Variants in RGS5 observed in about 807,000 individuals in gnomAD.
RGS5 encodes regulator of G-protein signalling 5.
A neutral mutation model predicts 18.9 loss-of-function variants in RGS5; 20 were observed. The ratio of observed to expected loss-of-function variants is 1.06; its 90% CI spans 0.74 to 1.54. The LOEUF is 1.54. Among genes scored for constraint, RGS5 ranks in the 40% most tolerant of loss-of-function variants. The pLI is 0.00. For synonymous variants in RGS5, 57 were observed against 76.2 expected, an observed-to-expected ratio of 0.75 and a Z score of 1.31; for missense variants, 201 against 211.8, an observed-to-expected ratio of 0.95 and a Z score of 0.32.
chr1:163,195,248 A>G (rs968117547), intron 1 of RGS5, among the ~76,000 whole-genome samples: 4 of 152,208 alleles, frequency 2.6e-5, no homozygotes, highest in African/African-American at 7.2e-5. Flanking sequence ...CATGTTGTAT[A>G]TAAGAATGGA....
intron 3 of RGS5, among the ~76,000 whole-genome samples, chr1:163,157,562 G>A (rs1333148751): frequency 6.6e-6 from 1 of 152,170 alleles, no homozygotes; most frequent in Non-Finnish European, 1.5e-5. Context: ...AGATATGAAT[G>A]TAAGGAATTC....
chr1:163,177,868 G>A lies in RGS5; in HGVS notation c.45-9500C>T, dbSNP rs564004975. 2.1e-4 allele frequency among the ~76,000 whole-genome samples: 32 copies of A among 152,250 alleles called. 1 individual carries two copies. The South Asian group carries it at 6.6e-3, about 32-fold the overall frequency. ...TTCTTGCCTCTGAGGGAGTTGTGTT[G>A]TGACGTCAAAAGCAAATGATAATTG... On this transcript the variant is annotated intron_variant, in intron 1 of 4. Coordinates refer to ENST00000313961, the MANE Select transcript of RGS5 (RefSeq NM_003617.4).
Position 163,211,994 on chromosome 1 carries a change from A to T in RGS5, c.69+5532T>A, listed in dbSNP as rs2101671787. The T allele has an allele frequency of 3.3e-5, 5 of 152,348 alleles. 1 individual carries two copies. The South Asian group carries it at 1.0e-3, about 32-fold the overall frequency. 9.4% of individuals were successfully genotyped at this position (152,348 alleles called of 1,614,324 possible). ...TGTAGTACTGAAGGACATTTTAAAAACAAAGTCCTTTTTGATCTTTCTGAG... is the reference window on the plus strand; with the variant it reads ...TGTAGTACTGAAGGACATTTTAAAATCAAAGTCCTTTTTGATCTTTCTGAG... On this transcript the variant is annotated intron_variant, in intron 1 of 5. Transcript: ENST00000367903.
chr1:163,192,142 T>A (rs1308512581), intron 1 of RGS5, among the ~76,000 whole-genome samples: 1 of 152,170 alleles, frequency 6.6e-6, no homozygotes, highest in Non-Finnish European at 1.5e-5. Context: ...AGTAAAAATG[T>A]TTTCCCGTGT....
At chr1:163,221,804 T>C (rs984710003), upstream of RGS5, among the ~76,000 whole-genome samples, 1 of 152,202 alleles carries the variant, frequency 6.6e-6, no homozygotes, top group Non-Finnish European at 1.5e-5. Context: ...TCTAAGATCA[T>C]TTTGCATAGG....
chr1:163,251,167 G>A (rs912808436), intron 2 of RGS5, among the ~76,000 whole-genome samples: 1 of 151,856 alleles, frequency 6.6e-6, no homozygotes, highest in Non-Finnish European at 1.5e-5. Flanking sequence ...AGATGAACTC[G>A]ATCCTCTGTC....
chr1:163,232,515 T>C (rs766063469), intron 2 of RGS5, among the ~76,000 whole-genome samples: 69 of 152,182 alleles, frequency 4.5e-4, no homozygotes, highest in Non-Finnish European at 7.9e-4. Flanking sequence ...CTTCAGAGAC[T>C]AGGAAATCTC....
chr1:163,217,664 G>A (rs1464743025), upstream of RGS5: 1 of 1,492,968 alleles, frequency 6.7e-7, no homozygotes, highest in Non-Finnish European at 8.9e-7. Context: ...CTTAGAATTT[G>A]TTTTGGGAAA....
intron 2 of RGS5, among the ~76,000 whole-genome samples, chr1:163,283,832 T>G (rs1196569425): frequency 6.6e-6 from 1 of 152,174 alleles, no homozygotes; most frequent in Non-Finnish European, 1.5e-5. Flanking sequence ...TTTCCATAAC[T>G]GCAAGGAGAT....
intron 2 of RGS5, among the ~76,000 whole-genome samples, chr1:163,270,298 GCCCAA>G (rs2101711376): frequency 6.9e-6 from 1 of 144,604 alleles, no homozygotes; most frequent in East Asian, 2.1e-4. Flanking sequence ...GCTCGCTTGA[GCCCAA>G]GAGTTAGAGA....
At chr1:163,310,810 G>A (rs982287105) in intron 1 of RGS5, among the ~76,000 whole-genome samples, 2 of 152,154 alleles carry the variant, frequency 1.3e-5, no homozygotes, top group African/African-American at 4.8e-5. Context: ...TAAAGAAAGA[G>A]GTTTAATTGA....
intron 2 of RGS5, among the ~76,000 whole-genome samples, chr1:163,239,525 T>A (rs1343489569): frequency 6.7e-6 from 1 of 150,358 alleles, no homozygotes; most frequent in African/African-American, 2.4e-5. Flanking sequence ...TGGAAAAAGA[T>A]TCACTTCTAA....
chr1:163,232,531 G>A (rs889395123), intron 2 of RGS5, among the ~76,000 whole-genome samples: 1 of 152,134 alleles, frequency 6.6e-6, no homozygotes, highest in African/African-American at 2.4e-5. Flanking sequence ...ATCTCTCAAG[G>A]AGGAAATGTC....
chr1:163,164,134 T>C (rs1397367565), intron 2 of RGS5, among the ~76,000 whole-genome samples: 1 of 152,186 alleles, frequency 6.6e-6, no homozygotes, highest in Non-Finnish European at 1.5e-5. Flanking sequence ...CCCCACAGCA[T>C]GAAGCCCAGC....
At chr1:163,164,045 G>C (rs1419115525) in intron 2 of RGS5, among the ~76,000 whole-genome samples, 1 of 152,180 alleles carries the variant, frequency 6.6e-6, no homozygotes, top group Non-Finnish European at 1.5e-5. Context: ...TTAAATTCCT[G>C]AAAAGGAAAT....
chr1:163,221,927 G>T (rs1647233766), upstream of RGS5, among the ~76,000 whole-genome samples: 1 of 152,128 alleles, frequency 6.6e-6, no homozygotes, highest in South Asian at 2.1e-4. Context: ...GTATTTTTAT[G>T]ATTTACTAAC....
intron 1 of RGS5, chr1:163,211,569 A>G (rs1375974374): frequency 6.6e-6 from 1 of 152,128 alleles, no homozygotes; most frequent in Non-Finnish European, 1.5e-5. Flanking sequence ...TTACATTATT[A>G]AATGTTTTGA....
chr1:163,281,129 C>T (rs190261420), intron 2 of RGS5, among the ~76,000 whole-genome samples: 1 of 152,088 alleles, frequency 6.6e-6, no homozygotes, highest in Non-Finnish European at 1.5e-5. Flanking sequence ...TCTTTGCCTG[C>T]TGTCTGTCAT....
At chr1:163,235,099 G>A (rs921921559) in intron 2 of RGS5, among the ~76,000 whole-genome samples, 2 of 152,162 alleles carry the variant, frequency 1.3e-5, no homozygotes, top group African/African-American at 4.8e-5. Flanking sequence ...CAGAATATGC[G>A]GAGTTGTTGC....
Sources: allele counts gnomAD v4.1 joint callset (sites outside exome capture counted in the v4.1 genomes callset), GRCh38; gene constraint gnomAD v4.1.1; transcripts MANE v1.5; gene names NCBI Gene and HGNC (gene_info 2026-07-23, HGNC 2026-07-21).